Variants in HMBOX1 observed in about 807,000 individuals in gnomAD.
The protein encoded by HMBOX1 is homeobox-containing protein 1.
Under a neutral mutation model 54.5 loss-of-function variants are expected in HMBOX1, and 14 were observed. The ratio of observed to expected loss-of-function variants is 0.26; its 90% CI spans 0.17 to 0.40. The LOEUF (loss-of-function observed/expected upper bound fraction) is 0.40. Ranked by LOEUF, HMBOX1 falls within the 10% of genes least tolerant of loss-of-function variation. HMBOX1 has a pLI of 1.00. For missense variants in HMBOX1, 332 were observed against 514.4 expected, an observed-to-expected ratio of 0.65 and a Z score of 3.43; for synonymous variants, 160 against 181.0, an observed-to-expected ratio of 0.88 and a Z score of 0.93.
intron 1 of HMBOX1, among the ~76,000 whole-genome samples, chr8:28,960,111 A>C: frequency 6.6e-6 from 1 of 151,630 alleles, no homozygotes; most frequent in South Asian, 2.1e-4. Context: ...GCTTCATTTT[A>C]TATTAATTTC....
chr8:28,959,417 C>T (rs575012589), intron 1 of HMBOX1, among the ~76,000 whole-genome samples: 11 of 152,214 alleles, frequency 7.2e-5, no homozygotes, highest in Non-Finnish European at 1.0e-4. Context: ...AAGAGTGGCT[C>T]ACATTTTAAA....
chr8:29,047,630 C>T (rs372189957), intron 8 of HMBOX1, among the ~76,000 whole-genome samples, 177 bp downstream of exon 8: 12 of 147,064 alleles, frequency 8.2e-5, no homozygotes, highest in South Asian at 6.4e-4. Flanking sequence ...TGCAGTGGCG[C>T]GATGTTGGCT....
intron 1 of HMBOX1, among the ~76,000 whole-genome samples, chr8:28,931,592 CG>C (rs1018773770): frequency 1.3e-5 from 2 of 152,052 alleles, no homozygotes; most frequent in Non-Finnish European, 2.9e-5. Context: ...CTCAGGCTGG[CG>C]TGCAGTGTTA....
intron 1 of HMBOX1, among the ~76,000 whole-genome samples, chr8:28,901,221 C>T (rs988951207): frequency 6.6e-6 from 1 of 152,020 alleles, no homozygotes; most frequent in Non-Finnish European, 1.5e-5. Flanking sequence ...TGCAAATAAT[C>T]CCTTTCTGGC....
At chr8:28,989,253 CAA>C (rs1830601781) in intron 4 of HMBOX1, among the ~76,000 whole-genome samples, 1 of 147,674 alleles carries the variant, frequency 6.8e-6, no homozygotes, top group Admixed American at 6.8e-5. Context: ...GCCTGGGCAA[CAA>C]GAGTGAAACT....
chr8:28,920,800 C>G (rs1817421834), intron 1 of HMBOX1, among the ~76,000 whole-genome samples: 1 of 152,062 alleles, frequency 6.6e-6, no homozygotes, highest in Non-Finnish European at 1.5e-5. Context: ...AGAGACCAGA[C>G]AATCAGTAGA....
intron 5 of HMBOX1, chr8:29,010,039 G>C: frequency 1.0e-6 from 1 of 984,764 alleles, no homozygotes; most frequent in Non-Finnish European, 1.2e-6. Flanking sequence ...ATGTCATAGA[G>C]ATGTATTTTT....
At chr8:28,916,222 C>G (rs1173625914) in intron 1 of HMBOX1, among the ~76,000 whole-genome samples, 1 of 152,160 alleles carries the variant, frequency 6.6e-6, no homozygotes, top group African/African-American at 2.4e-5. Flanking sequence ...GGAAATTTTT[C>G]CCCAGAATCC....
chr8:28,949,488 A>G (rs940102311), intron 1 of HMBOX1, among the ~76,000 whole-genome samples: 4 of 152,258 alleles, frequency 2.6e-5, no homozygotes, highest in African/African-American at 7.2e-5. Context: ...TGCAGTGGAT[A>G]CTTAATAAAT....
intron 1 of HMBOX1, among the ~76,000 whole-genome samples, chr8:28,949,078 T>C (rs767342290): frequency 2.6e-5 from 4 of 152,256 alleles, no homozygotes; most frequent in Non-Finnish European, 5.9e-5. Context: ...ATATTCCCGA[T>C]GTATGCCAGT....
chr8:28,900,384 G>C (rs955177515), intron 1 of HMBOX1, among the ~76,000 whole-genome samples: 3 of 150,448 alleles, frequency 2.0e-5, no homozygotes, highest in African/African-American at 7.3e-5. Context: ...ATTCTAATTG[G>C]TATAGTCCTC....
chr8:29,026,081 C>G (rs986844248), intron 6 of HMBOX1, among the ~76,000 whole-genome samples: 1 of 140,722 alleles, frequency 7.1e-6, no homozygotes. Context: ...CACACACACA[C>G]AGTTTTCCTG....
chr8:28,925,852 G>A (rs1194346925), intron 1 of HMBOX1, among the ~76,000 whole-genome samples: 1 of 151,828 alleles, frequency 6.6e-6, no homozygotes, highest in Non-Finnish European at 1.5e-5. Context: ...GTTATTTTTG[G>A]TGACCTTGAA....
intron 1 of HMBOX1, among the ~76,000 whole-genome samples, chr8:28,928,554 C>T (rs1408596057): frequency 2.6e-5 from 4 of 152,206 alleles, no homozygotes; most frequent in Admixed American, 1.3e-4. Context: ...ACTATCCATG[C>T]ACTCTCAGGT....
intron 6 of HMBOX1, among the ~76,000 whole-genome samples, chr8:29,030,689 C>T (rs1802825669): frequency 6.6e-6 from 1 of 152,162 alleles, no homozygotes; most frequent in East Asian, 1.9e-4. Flanking sequence ...TTATTTCCCA[C>T]CCTAGAATTA....
chr8:28,933,203 C>T (rs1470836377), intron 1 of HMBOX1, among the ~76,000 whole-genome samples: 3 of 152,156 alleles, frequency 2.0e-5, no homozygotes, highest in African/African-American at 7.2e-5. Context: ...CATGCAGACA[C>T]TCATCCTCTC....
In HMBOX1 at chr8:29,052,240, G is replaced by C. The variant is rs957724100; in HGVS notation, c.*1085G>C. On this transcript the variant is annotated 3_prime_UTR_variant, in exon 10 of 10. Coordinates refer to ENST00000287701, the MANE Select transcript of HMBOX1 (RefSeq NM_001135726.3). ...GGTTGTGCTGCTTATCACAGATGCA[G>C]ACACTTGCCCAGATAGGAGCAGAGA... 1 of 152,392 alleles carries C rather than the reference G, an allele frequency of 6.6e-6. No homozygotes were observed. Among genetic ancestry groups the C allele is most frequent in the Admixed American group, 6.5e-5 (1 of 15,298 alleles). The allele number at this position is 152,392 out of a possible 1,614,324, so 9.4% of individuals were successfully genotyped here.
intron 1 of HMBOX1, among the ~76,000 whole-genome samples, chr8:28,900,805 T>TC (rs1471046737): frequency 4.6e-5 from 7 of 152,206 alleles, no homozygotes; most frequent in African/African-American, 1.4e-4. Context: ...TTGTTTGTTT[T>TC]TTAACCTTAT....
At chr8:28,898,114 A>T (rs965353200) in intron 1 of HMBOX1, among the ~76,000 whole-genome samples, 3 of 152,236 alleles carry the variant, frequency 2.0e-5, no homozygotes, top group Non-Finnish European at 2.9e-5. Context: ...CAACAACGGA[A>T]GTCTGCTTTA....
Sources: allele counts gnomAD v4.1 joint callset (sites outside exome capture counted in the v4.1 genomes callset), GRCh38; gene constraint gnomAD v4.1.1; transcripts MANE v1.5; gene names NCBI Gene and HGNC (gene_info 2026-07-23, HGNC 2026-07-21).